MAP2: variants seen among roughly 807,000 people sequenced by gnomAD.
MAP2 encodes the protein microtubule-associated protein 2.
In MAP2, 14 loss-of-function variants were observed where a neutral mutation model predicts 137.6. The ratio of observed to expected loss-of-function variants is 0.10; its 90% CI spans 0.07 to 0.16. The LOEUF is 0.16. Ranked by LOEUF, MAP2 falls within the 10% of genes least tolerant of loss-of-function variation. MAP2 has a pLI of 1.00. For synonymous variants in MAP2, 786 were observed against 782.3 expected (o/e 1.00, Z -0.08); for missense variants, 2,088 against 2,191.5 (o/e 0.95, Z 0.94).
chr2:209,730,164 G>A lies in MAP2; in HGVS notation c.5269-18G>A. On this transcript the variant is annotated intron_variant, in intron 15 of 15. Transcript: ENST00000682079. ...TAAGATGCATGAGTTAACGAGGACT[G>A]ATGCTTGTCTTAAACAGATTGACAG... The A allele has an allele frequency of 6.2e-7, 1 of 1,602,268 alleles. No individual in the cohort carries two copies.
At chr2:209,618,685 A>G (rs1580850932) in intron 3 of MAP2, among the ~76,000 whole-genome samples, 1 of 152,178 alleles carries the variant, frequency 6.6e-6, no homozygotes. Context: ...TGTTGATGGA[A>G]ATATAAATTA....
At chr2:209,634,786 TAA>T (rs2093412804) in intron 4 of MAP2, among the ~76,000 whole-genome samples, 1 of 152,160 alleles carries the variant, frequency 6.6e-6, no homozygotes, top group South Asian at 2.1e-4. Context: ...ACCACAGAGA[TAA>T]GAGTGTGGAT....
At chr2:209,460,503 G>A (rs886337659) in intron 1 of MAP2, among the ~76,000 whole-genome samples, 2 of 151,980 alleles carry the variant, frequency 1.3e-5, no homozygotes, top group African/African-American at 2.4e-5. Context: ...GGGATATGGG[G>A]GAACTAGGAG....
At chr2:209,460,499 T>A (rs1329668425) in intron 1 of MAP2, among the ~76,000 whole-genome samples, 2 of 152,090 alleles carry the variant, frequency 1.3e-5, no homozygotes, top group African/African-American at 4.8e-5. Context: ...AACTGGGATA[T>A]GGGGGAACTA....
intron 1 of MAP2, among the ~76,000 whole-genome samples, chr2:209,436,420 C>G (rs1696303998): frequency 6.6e-6 from 1 of 151,580 alleles, no homozygotes. Context: ...AAAGCAGCCA[C>G]AAACAATAAG....
At chr2:209,655,544 A>ACTCC (rs918202149) in intron 5 of MAP2, among the ~76,000 whole-genome samples, 49 of 152,376 alleles carry the variant, frequency 3.2e-4, no homozygotes, top group African/African-American at 1.1e-3. Flanking sequence ...ACAAATAACA[A>ACTCC]CTTTTATCAT....
Position 209,704,461 on chromosome 2 carries a change from G to C in MAP2, c.4585-1119G>C, listed in dbSNP as rs79214059. 1.9e-6 allele frequency: 3 copies of C among 1,604,646 alleles called. No individual in the cohort carries two copies. The East Asian group carries it at 6.7e-5, about 36-fold the overall frequency. On this transcript the variant is annotated intron_variant, in intron 11 of 15. Transcript: ENST00000682079. ...TCTTTCATGGCTAGAATTCTACCTT[G>C]TCAAAGATTCCTGCTTTACAGGGTA...
At chr2:209,495,537 G>C (rs948872097) in intron 1 of MAP2, among the ~76,000 whole-genome samples, 5 of 152,236 alleles carry the variant, frequency 3.3e-5, no homozygotes, top group African/African-American at 1.2e-4. Context: ...GTGATACCCA[G>C]GCAAAGAGGG....
intron 1 of MAP2, among the ~76,000 whole-genome samples, chr2:209,470,948 T>C (rs1705541719): frequency 2.0e-5 from 3 of 152,196 alleles, no homozygotes; most frequent in Non-Finnish European, 4.4e-5. Context: ...GTCCTCCATA[T>C]TGGAGTAGAC....
intron 13 of MAP2, chr2:209,723,521 T>C: frequency 1.2e-6 from 1 of 826,646 alleles, no homozygotes; most frequent in Non-Finnish European, 2.1e-6. Flanking sequence ...TCTTTGATGC[T>C]ACCCATTCTG....
intron 4 of MAP2, among the ~76,000 whole-genome samples, chr2:209,638,612 T>C (rs1005522882): frequency 1.3e-5 from 2 of 152,192 alleles, no homozygotes; most frequent in Admixed American, 1.3e-4. Context: ...TCCACAGATG[T>C]AGTAGGTTAG....
At chr2:209,519,750 A>C (rs2063008602) in intron 2 of MAP2, among the ~76,000 whole-genome samples, 1 of 152,108 alleles carries the variant, frequency 6.6e-6, no homozygotes, top group African/African-American at 2.4e-5. Flanking sequence ...TTTTTTAAGA[A>C]AAGTAGTCAG....
chr2:209,429,146 G>T (rs1182932276), intron 1 of MAP2, among the ~76,000 whole-genome samples: 1 of 151,808 alleles, frequency 6.6e-6, no homozygotes, highest in South Asian at 2.1e-4. Context: ...GTAGAGACAG[G>T]GTTTCACCTT....
At chr2:209,488,843 G>T (rs577062079) in intron 1 of MAP2, among the ~76,000 whole-genome samples, 1 of 152,310 alleles carries the variant, frequency 6.6e-6, no homozygotes, top group East Asian at 1.9e-4. Context: ...CTGGGGAAAG[G>T]GGGGGATGTG....
At chr2:209,495,394 A>T (rs2059627616) in intron 1 of MAP2, among the ~76,000 whole-genome samples, 1 of 152,208 alleles carries the variant, frequency 6.6e-6, no homozygotes, top group Non-Finnish European at 1.5e-5. Context: ...TAACGGGGAG[A>T]TACCTCCCAG....
In MAP2 at chr2:209,433,846, T is replaced by C. The variant is rs572671568; in HGVS notation, c.-222+9570T>C. Among the ~76,000 whole-genome samples, 3 of 152,040 alleles carry C rather than the reference T, an allele frequency of 2.0e-5. No homozygotes were observed. The South Asian group carries it at 6.2e-4, about 32-fold the overall frequency. Reference sequence around the variant, plus strand: ...AGTCTCTTTGTACCCCAAACCAAGCTTTTCAAAACAATCTAAACAGAAAAG... The same window carrying C: ...AGTCTCTTTGTACCCCAAACCAAGCCTTTCAAAACAATCTAAACAGAAAAG... On this transcript the variant is annotated intron_variant, in intron 1 of 15. Coordinates refer to ENST00000682079, the MANE Select transcript of MAP2 (RefSeq NM_001375505.1).
intron 1 of MAP2, among the ~76,000 whole-genome samples, chr2:209,443,258 A>C (rs758931160): frequency 1.3e-5 from 2 of 151,244 alleles, no homozygotes; most frequent in Non-Finnish European, 3.0e-5. Flanking sequence ...TAATCTTTCA[A>C]AACCAGCTCA....
chr2:209,551,406 A>G lies in MAP2; in HGVS notation c.-171-28630A>G, dbSNP rs540528904. Among the ~76,000 whole-genome samples, 17 of 152,262 alleles carry G rather than the reference A, an allele frequency of 1.1e-4. No individual in the cohort carries two copies. In the East Asian group the frequency reaches 3.3e-3, roughly 29 times the overall value. The stretch of plus-strand genomic sequence containing the variant: ...TACATAAAACATTATTTCATAGTGC[A>G]TTATTCACCCTAGAAAGCTCATTGC... On this transcript the variant is annotated intron_variant, in intron 2 of 15. Transcript: ENST00000682079.
chr2:209,424,751 T>C (rs1692074704), intron 1 of MAP2, among the ~76,000 whole-genome samples: 1 of 152,160 alleles, frequency 6.6e-6, no homozygotes, highest in South Asian at 2.1e-4. Context: ...CCATTTCAAA[T>C]CATGTTTCTC....
Sources: allele counts gnomAD v4.1 joint callset (sites outside exome capture counted in the v4.1 genomes callset), GRCh38; gene constraint gnomAD v4.1.1; transcripts MANE v1.5; gene names NCBI Gene and HGNC (gene_info 2026-07-23, HGNC 2026-07-21).